Variants in COL6A6 observed in about 807,000 individuals in gnomAD.
COL6A6 encodes the protein collagen type VI alpha 6 chain.
In COL6A6, 183 loss-of-function variants were observed where a neutral mutation model predicts 208.6. That is an observed-to-expected ratio of 0.88 (90% CI 0.78 to 0.99). The LOEUF is 0.99. Among genes scored for constraint, COL6A6 ranks in the 50% least tolerant of loss-of-function variants. COL6A6 has a pLI of 0.00. For synonymous variants in COL6A6, 973 were observed against 1,011.8 expected, an observed-to-expected ratio of 0.96 and a Z score of 0.73; for missense variants, 2,816 against 2,815.2, an observed-to-expected ratio of 1.00 and a Z score of -0.01.
chr3:130,634,254 A>T lies in COL6A6; in HGVS notation c.4993-336A>T, dbSNP rs1463980355. On this transcript the variant is annotated intron_variant, in intron 26 of 36. Transcript: ENST00000358511. ...ATAAATAAATAAATAAAAAAAAAAA[A>T]AAAAAAAAAAAAGATCGTGTCAGAG... Among the ~76,000 whole-genome samples, 13 of 142,408 alleles carry T rather than the reference A, an allele frequency of 9.1e-5. 1 individual carries two copies. The highest frequency in any genetic ancestry group is 4.1e-4 in the East Asian group (2 of 4,924). 93.4% of individuals were successfully genotyped at this position (142,408 alleles called of 152,430 possible).
intron 2 of COL6A6, 24 bp from the exon 3 acceptor site, chr3:130,563,044 G>A (rs368959343): frequency 1.3e-5 from 20 of 1,561,208 alleles, no homozygotes; most frequent in East Asian, 4.5e-5. Context: ...TTTTTGGTTC[G>A]TTCATATGTT....
chr3:130,572,354 C>T (rs2063188202), intron 7 of COL6A6, among the ~76,000 whole-genome samples: 1 of 152,142 alleles, frequency 6.6e-6, no homozygotes, highest in African/African-American at 2.4e-5. Context: ...AAAGATTGTT[C>T]TCTACTTAGT....
rs1027516201 is a variant in COL6A6 at position 130,606,393 on chromosome 3, AT to A, written c.4654-533del. On this transcript the variant is annotated intron_variant, in intron 20 of 36. Coordinates refer to ENST00000358511, the MANE Select transcript of COL6A6 (RefSeq NM_001102608.3). Reference sequence around the variant, plus strand: ...TTTGAATGTTTGAGATAATTCTTTCATTTTTCTCAGGTAAGCATATTATTTG... The same window carrying A: ...TTTGAATGTTTGAGATAATTCTTTCATTTTCTCAGGTAAGCATATTATTTG... Among the ~76,000 whole-genome samples, 325 of 152,110 alleles carry A rather than the reference AT, an allele frequency of 2.1e-3. 1 individual carries two copies. The highest frequency in any genetic ancestry group is 7.4e-3 in the African/African-American group (306 of 41,524).
chr3:130,589,238 T>G (rs549227448), intron 12 of COL6A6, 56 bp downstream of exon 12: 74 of 1,252,804 alleles, frequency 5.9e-5, no homozygotes, highest in Non-Finnish European at 8.3e-5. Context: ...CCTTCAGACA[T>G]GGGTTTAAGT....
intron 32 of COL6A6, among the ~76,000 whole-genome samples, chr3:130,648,470 T>C (rs1276651829): frequency 6.6e-6 from 1 of 151,626 alleles, no homozygotes; most frequent in Non-Finnish European, 1.5e-5. Flanking sequence ...ATTTTACAGA[T>C]GAAGAAACTG....
intron 1 of COL6A6, among the ~76,000 whole-genome samples, chr3:130,526,402 T>C (rs2061963517): frequency 6.6e-6 from 1 of 152,102 alleles, no homozygotes; most frequent in African/African-American, 2.4e-5. Flanking sequence ...TGGGCATGGC[T>C]CACATCATTA....
At chr3:130,600,379 G>A (rs1576305032) in intron 20 of COL6A6, among the ~76,000 whole-genome samples, 1 of 152,068 alleles carries the variant, frequency 6.6e-6, no homozygotes, top group Non-Finnish European at 1.5e-5. Context: ...ATACCAAAAG[G>A]AATATAAATC....
intron 19 of COL6A6, 115 bp from the exon 20 acceptor site, chr3:130,599,642 C>T: frequency 3.1e-6 from 3 of 956,142 alleles, no homozygotes; most frequent in Non-Finnish European, 3.3e-6. Context: ...GGAAAGGTAA[C>T]TCTCTCATTG....
intron 36 of COL6A6, among the ~76,000 whole-genome samples, chr3:130,672,291 T>C (rs937046184): frequency 2.0e-5 from 3 of 152,348 alleles, no homozygotes; most frequent in East Asian, 3.9e-4. Context: ...ATAGACGATT[T>C]CATTCTTTGT....
intron 8 of COL6A6, among the ~76,000 whole-genome samples, chr3:130,576,076 A>T (rs760674797): frequency 6.6e-6 from 1 of 152,202 alleles, no homozygotes; most frequent in Non-Finnish European, 1.5e-5. Flanking sequence ...CTACTCAGCC[A>T]TATCAGCTCC....
chr3:130,660,901 T>C (rs2065915432), intron 34 of COL6A6, among the ~76,000 whole-genome samples: 1 of 152,248 alleles, frequency 6.6e-6, no homozygotes, highest in African/African-American at 2.4e-5. Flanking sequence ...ATTACAACAT[T>C]AAATGACCTT....
chr3:130,657,235 T>G (rs1394362304), intron 33 of COL6A6, among the ~76,000 whole-genome samples: 1 of 152,226 alleles, frequency 6.6e-6, no homozygotes, highest in African/African-American at 2.4e-5. Context: ...CAGCCCCGAC[T>G]GTACTCAGGT....
rs1021500410 is a variant in COL6A6, at chr3:130,628,786, G to A, written c.4992+1417G>A. On this transcript the variant is annotated intron_variant, in intron 26 of 36. Transcript: ENST00000358511. ...GTCTACAGCTCCCTGCGTGAGCGAC[G>A]CAGAAGACGGTGATTTCTGCATTTC... Among the ~76,000 whole-genome samples, 8 of 122,050 alleles carry A rather than the reference G, an allele frequency of 6.6e-5. 2 individuals carry two copies. Among genetic ancestry groups the A allele is most frequent in the Non-Finnish European group, 1.2e-4 (8 of 64,942 alleles). 80.1% of individuals were successfully genotyped at this position (122,050 alleles called of 152,430 possible).
chr3:130,543,069 C>T lies in COL6A6; in HGVS notation c.-31-17265C>T, dbSNP rs557976129. Among the ~76,000 whole-genome samples the T allele has an allele frequency of 3.2e-4, 49 of 152,006 alleles. 1 individual carries two copies. In the South Asian group the frequency reaches 9.0e-3, roughly 28 times the overall value. ...TATAAGCACGTGCCACCATGCCTAG[C>T]TAATTTTTGTATTTTTAGTAGAGAC... On this transcript the variant is annotated intron_variant, in intron 1 of 36. Transcript: ENST00000358511.
chr3:130,555,455 C>T (rs1161844586), intron 1 of COL6A6, among the ~76,000 whole-genome samples: 1 of 152,152 alleles, frequency 6.6e-6, no homozygotes, highest in East Asian at 1.9e-4. Flanking sequence ...CCCCAGTGTC[C>T]CAGTCCCTTG....
At chr3:130,616,704 G>T (rs966369041) in intron 23 of COL6A6, among the ~76,000 whole-genome samples, 14 of 152,140 alleles carry the variant, frequency 9.2e-5, no homozygotes, top group African/African-American at 3.1e-4. Flanking sequence ...GTTCAATGCA[G>T]TTTGGAGTCC....
chr3:130,610,709 C>T lies in COL6A6; in HGVS notation c.4813C>T (p.Gln1605Ter). The stretch of plus-strand genomic sequence containing the variant: ...AGGAGGTGTGGGAAGTAAAGGTCCC[C>T]AGGTATGTAATGAGAAAAATGATTG... Reference protein sequence around the residue: ...EKGGVGSKGPQGPPGPGGEAG... With the variant: ...EKGGVGSKGP Residue 1605 changes from glutamine (Q) to a stop codon, truncating the protein, a stop_gained and splice_region_variant, in exon 23 of 37, where the codon CAG becomes TAG. Transcript: ENST00000358511. LOFTEE classifies it high-confidence loss of function. 1.3e-6 allele frequency: 2 copies of T among 1,579,592 alleles called. No individual in the cohort carries two copies. The highest frequency in any genetic ancestry group is 1.7e-6 in the Non-Finnish European group (2 of 1,160,998).
intron 11 of COL6A6, among the ~76,000 whole-genome samples, chr3:130,588,411 G>A (rs2063590657): frequency 6.6e-6 from 1 of 152,186 alleles, no homozygotes; most frequent in Admixed American, 6.5e-5. Context: ...ATCTATTCAA[G>A]GGATGGCTGG....
rs1238602934 is a variant in COL6A6 at position 130,676,125 on chromosome 3, T to C, written c.*728T>C. On this transcript the variant is annotated 3_prime_UTR_variant, in exon 37 of 37. Transcript: ENST00000358511. ...GACTTCTAGTCTGTCTTTCCTGTTA[T>C]GGTCATTTATTAATTTTCACTAATC... 6.6e-6 allele frequency: 1 copy of C among 152,222 alleles called. No homozygotes were observed. The allele number at this position is 152,222 out of a possible 1,614,324, so 9.4% of individuals were successfully genotyped here.
Sources: allele counts gnomAD v4.1 joint callset (sites outside exome capture counted in the v4.1 genomes callset), GRCh38; gene constraint gnomAD v4.1.1; transcripts MANE v1.5; gene names NCBI Gene and HGNC (gene_info 2026-07-23, HGNC 2026-07-21).